The following TPD52 variants were observed in gnomAD, a reference collection of about 807,000 sequenced individuals.
TPD52 encodes tumor protein D52, also known as prostate and colon associated protein.
Under a neutral mutation model 31.3 loss-of-function variants are expected in TPD52, and 17 were observed. That is an observed-to-expected ratio of 0.54 (90% CI 0.37 to 0.82). The LOEUF is 0.82. Among genes scored for constraint, TPD52 ranks in the 40% least tolerant of loss-of-function variants. TPD52 has a pLI of 0.00. For missense variants in TPD52, 212 were observed against 240.1 expected (o/e 0.88, Z 0.77); for synonymous variants, 83 against 89.6 (o/e 0.93, Z 0.42).
chr8:80,157,665 C>A (rs116508905), intron 1 of TPD52, among the ~76,000 whole-genome samples: 5 of 152,226 alleles, frequency 3.3e-5, no homozygotes, highest in Non-Finnish European at 7.3e-5. Context: ...TTAGAAATCA[C>A]TGGTTAAAAT....
At chr8:80,137,496 T>C (rs923459362) in intron 1 of TPD52, among the ~76,000 whole-genome samples, 5 of 152,158 alleles carry the variant, frequency 3.3e-5, no homozygotes, top group African/African-American at 1.2e-4. Context: ...ATGTTCCCAT[T>C]TGAACTTTTA....
chr8:80,134,727 C>T (rs1026237795), intron 1 of TPD52, among the ~76,000 whole-genome samples: 1 of 152,136 alleles, frequency 6.6e-6, no homozygotes, highest in African/African-American at 2.4e-5. Flanking sequence ...GTGCAGGAGC[C>T]GTGTTGAAAG....
chr8:80,094,456 A>ATATG (rs1816559616), intron 1 of TPD52, among the ~76,000 whole-genome samples: 1 of 83,658 alleles, frequency 1.2e-5, no homozygotes, highest in Non-Finnish European at 2.5e-5. Context: ...ATATATATAT[A>ATATG]TATATATATA....
intron 1 of TPD52, among the ~76,000 whole-genome samples, chr8:80,164,915 A>G (rs1811612661): frequency 6.7e-6 from 1 of 149,958 alleles, no homozygotes. Context: ...AAAAAAAAAA[A>G]AAAAAAAAAA....
At chr8:80,084,884 T>C (rs1254443577) in intron 1 of TPD52, among the ~76,000 whole-genome samples, 1 of 152,198 alleles carries the variant, frequency 6.6e-6, no homozygotes, top group African/African-American at 2.4e-5. Context: ...CAAGGGACAT[T>C]CACTTTAGAT....
At chr8:80,112,467 T>C (rs893249699) in intron 1 of TPD52, among the ~76,000 whole-genome samples, 1 of 152,288 alleles carries the variant, frequency 6.6e-6, no homozygotes, top group African/African-American at 2.4e-5. Flanking sequence ...CAGGCATCTC[T>C]ATGTTTAACT....
Position 80,072,548 on chromosome 8 carries a change from C to T in TPD52, c.20-7955G>A, listed in dbSNP as rs111162620. Among the ~76,000 whole-genome samples the T allele has an allele frequency of 7.0e-4, 12 of 17,258 alleles. 1 individual carries two copies. The highest frequency in any genetic ancestry group is 2.3e-3 in the Admixed American group (3 of 1,330). 11.3% of individuals were successfully genotyped at this position (17,258 alleles called of 152,430 possible). A position where few individuals can be genotyped will look rare whatever the true frequency, so the allele number is the denominator to read the frequency against. On this transcript the variant is annotated intron_variant, in intron 1 of 7. Coordinates refer to ENST00000518937, the MANE Select transcript of TPD52 (RefSeq NM_001025253.3). ...GTATATACATGTACACATAGATATG[C>T]GTGTATATACATGTACACATAGATA...
At chr8:80,052,753 G>A (rs965028967) in intron 3 of TPD52, 4 of 1,049,618 alleles carry the variant, frequency 3.8e-6, no homozygotes, top group Admixed American at 4.8e-5. Flanking sequence ...AAAGCCTAAG[G>A]GATTGACCTC....
At chr8:80,031,633 G>A (rs1809695988), downstream of TPD52, among the ~76,000 whole-genome samples, 1 of 151,920 alleles carries the variant, frequency 6.6e-6, no homozygotes, top group Non-Finnish European at 1.5e-5. Context: ...TGAGGAGGGA[G>A]GATTGCTTGA....
At chr8:80,164,013 TGAGAGAGAGACAGAGA>T (rs1315582764) in intron 1 of TPD52, among the ~76,000 whole-genome samples, 5 of 123,662 alleles carry the variant, frequency 4.0e-5, no homozygotes, top group South Asian at 2.5e-4. Flanking sequence ...ATTCTAACTG[TGAGAGAGAGACAGAGA>T]GAGAGAGAGA....
intron 5 of TPD52, among the ~76,000 whole-genome samples, chr8:80,048,343 G>A (rs1304377271): frequency 1.3e-5 from 2 of 152,196 alleles, no homozygotes; most frequent in South Asian, 2.1e-4. Flanking sequence ...AACACATTCA[G>A]GTTGGCAAAA....
At chr8:80,039,424 T>C (rs1810169475) in intron 7 of TPD52, among the ~76,000 whole-genome samples, 1 of 152,104 alleles carries the variant, frequency 6.6e-6, no homozygotes, top group East Asian at 1.9e-4. Context: ...ATCAATCTTT[T>C]TTTTTTTCCG....
intron 1 of TPD52, among the ~76,000 whole-genome samples, chr8:80,133,345 T>G (rs1563650333): frequency 1.3e-5 from 2 of 152,164 alleles, no homozygotes; most frequent in African/African-American, 4.8e-5. Context: ...GTTCCAGGAA[T>G]AGCAGCAAGG....
intron 1 of TPD52, among the ~76,000 whole-genome samples, chr8:80,069,082 A>G (rs1025187): frequency 0.28 from 42,165 of 152,110 alleles, 7,091 homozygotes; most frequent in African/African-American, 0.48. Context: ...CATTTTAGGA[A>G]ATGTTCTTTT....
At chr8:80,114,827 C>G (rs1189284496) in intron 1 of TPD52, among the ~76,000 whole-genome samples, 2 of 152,178 alleles carry the variant, frequency 1.3e-5, no homozygotes, top group Non-Finnish European at 2.9e-5. Context: ...GAAACGGTGT[C>G]TGTTTCAAAC....
intron 1 of TPD52, among the ~76,000 whole-genome samples, chr8:80,072,317 A>ATGTGTGTG (rs146024001): frequency 0.015 from 1,848 of 121,334 alleles, 179 homozygotes; most frequent in South Asian, 0.045. Context: ...AAAAACATAT[A>ATGTGTGTG]TGTGTGTGTG....
intron 2 of TPD52, among the ~76,000 whole-genome samples, chr8:80,058,869 T>A (rs942288411): frequency 2.0e-5 from 3 of 152,124 alleles, no homozygotes; most frequent in African/African-American, 7.2e-5. Flanking sequence ...ACCCATTCTA[T>A]CCCCACCTTG....
At chr8:80,110,367 G>A (rs1426140) in intron 1 of TPD52, among the ~76,000 whole-genome samples, 98,194 of 151,648 alleles carry the variant, frequency 0.65, 33,361 homozygotes, top group African/African-American at 0.86. Context: ...AAATGAGATT[G>A]ACAACAAAAG....
intron 5 of TPD52, among the ~76,000 whole-genome samples, chr8:80,046,406 T>C (rs1405644090): frequency 6.6e-6 from 1 of 152,202 alleles, no homozygotes; most frequent in Non-Finnish European, 1.5e-5. Flanking sequence ...CCATAATCCA[T>C]AGTTAGATGA....
Sources: allele counts gnomAD v4.1 joint callset (sites outside exome capture counted in the v4.1 genomes callset), GRCh38; gene constraint gnomAD v4.1.1; transcripts MANE v1.5; gene names NCBI Gene and HGNC (gene_info 2026-07-23, HGNC 2026-07-21).